PIP5K1B: variants seen among roughly 807,000 people sequenced by gnomAD.
PIP5K1B encodes phosphatidylinositol 4-phosphate 5-kinase type-1 beta.
Under a neutral mutation model 67.0 loss-of-function variants are expected in PIP5K1B, and 42 were observed. That is an observed-to-expected ratio of 0.63 (90% CI 0.49 to 0.81). The LOEUF is 0.81. Among genes scored for constraint, PIP5K1B ranks in the 30% least tolerant of loss-of-function variants. The pLI, the probability that PIP5K1B is intolerant of heterozygous loss-of-function variation, is 0.00. For synonymous variants in PIP5K1B, 214 were observed against 231.4 expected (o/e 0.92, Z 0.68); for missense variants, 459 against 646.3 (o/e 0.71, Z 3.14).
At chr9:68,991,312 G>A (rs1830357072) in intron 15 of PIP5K1B, 55 bp downstream of exon 15, 10 of 930,082 alleles carry the variant, frequency 1.1e-5, no homozygotes, top group Non-Finnish European at 1.6e-5. Flanking sequence ...ATGGATCCAG[G>A]CCATGGCTTA....
At chr9:68,936,864 G>A (rs375217209) in intron 13 of PIP5K1B, among the ~76,000 whole-genome samples, 46 of 152,286 alleles carry the variant, frequency 3.0e-4, no homozygotes, top group African/African-American at 8.9e-4. Flanking sequence ...AACTGCAGGT[G>A]CCTGTAGTCT....
At chr9:68,906,790 C>T (rs944757101) in intron 8 of PIP5K1B, among the ~76,000 whole-genome samples, 3 of 152,218 alleles carry the variant, frequency 2.0e-5, no homozygotes, top group East Asian at 3.8e-4. Context: ...ATTATCACGA[C>T]CAACTCAGTG....
chr9:68,847,337 A>C (rs963548775), intron 4 of PIP5K1B, among the ~76,000 whole-genome samples: 2 of 149,892 alleles, frequency 1.3e-5, no homozygotes, highest in East Asian at 3.9e-4. Context: ...TTAAGTTTCC[A>C]TGCTGGTTTC....
At chr9:68,908,065 G>A (rs1267689264) in intron 8 of PIP5K1B, among the ~76,000 whole-genome samples, 1 of 152,212 alleles carries the variant, frequency 6.6e-6, no homozygotes, top group Non-Finnish European at 1.5e-5. Flanking sequence ...GGATGTGGGT[G>A]CTTGGACCAA....
intron 8 of PIP5K1B, among the ~76,000 whole-genome samples, chr9:68,900,484 A>T (rs1825305127): frequency 6.6e-6 from 1 of 152,188 alleles, no homozygotes; most frequent in African/African-American, 2.4e-5. Context: ...CTCTGATATA[A>T]GTTATCTATG....
intron 4 of PIP5K1B, among the ~76,000 whole-genome samples, chr9:68,845,869 A>T (rs540485784): frequency 2.6e-5 from 4 of 152,348 alleles, no homozygotes; most frequent in African/African-American, 9.6e-5. Flanking sequence ...TACCCAGGTT[A>T]TGGAGATTCT....
chr9:68,818,785 T>C (rs902515394), intron 3 of PIP5K1B, among the ~76,000 whole-genome samples: 4 of 152,160 alleles, frequency 2.6e-5, no homozygotes, highest in Non-Finnish European at 5.9e-5. Context: ...TTAATTACTA[T>C]GTGTGTTAAA....
intron 14 of PIP5K1B, among the ~76,000 whole-genome samples, chr9:68,947,975 A>G (rs1205206677): frequency 1.3e-5 from 2 of 152,198 alleles, no homozygotes; most frequent in Non-Finnish European, 2.9e-5. Context: ...GCAGATAGCC[A>G]TCACCCATGC....
intron 14 of PIP5K1B, among the ~76,000 whole-genome samples, chr9:68,983,895 A>T (rs562890048): frequency 6.5e-4 from 99 of 152,258 alleles, no homozygotes; most frequent in Admixed American, 1.8e-3. Flanking sequence ...TACCAAAAAA[A>T]TTTTAAAAAG....
intron 4 of PIP5K1B, among the ~76,000 whole-genome samples, chr9:68,863,397 A>C (rs977190654): frequency 2.0e-5 from 3 of 152,188 alleles, no homozygotes; most frequent in Non-Finnish European, 2.9e-5. Flanking sequence ...ATATATGTGT[A>C]TACTCATACA....
At chr9:68,898,017 C>T (rs1404241533) in intron 8 of PIP5K1B, among the ~76,000 whole-genome samples, 1 of 152,166 alleles carries the variant, frequency 6.6e-6, no homozygotes, top group Non-Finnish European at 1.5e-5. Context: ...CCTCCTGACA[C>T]ATACCATCTT....
At chr9:68,868,765 A>G (rs1033798901) in intron 5 of PIP5K1B, among the ~76,000 whole-genome samples, 6 of 152,232 alleles carry the variant, frequency 3.9e-5, no homozygotes, top group African/African-American at 1.2e-4. Context: ...ATATCTTTCC[A>G]TATTCAAGAA....
chr9:68,824,189 G>A (rs778713026), intron 4 of PIP5K1B: 1 of 518,950 alleles, frequency 1.9e-6, no homozygotes, highest in South Asian at 1.4e-5. Context: ...TACGTTGCTA[G>A]CCTGTTATTA....
intron 2 of PIP5K1B, chr9:68,789,140 G>A: frequency 1.0e-5 from 6 of 583,132 alleles, no homozygotes; most frequent in South Asian, 8.8e-5. Flanking sequence ...CATTGTTGGT[G>A]TATTTCACCC....
chr9:68,998,010 A>C (rs1202372736), intron 15 of PIP5K1B, among the ~76,000 whole-genome samples: 2 of 150,506 alleles, frequency 1.3e-5, no homozygotes, highest in African/African-American at 4.9e-5. Context: ...TTTACAGTGA[A>C]TCTTGGCTTG....
At chr9:68,936,393 A>C (rs1239872578) in intron 13 of PIP5K1B, among the ~76,000 whole-genome samples, 2 of 151,138 alleles carry the variant, frequency 1.3e-5, no homozygotes, top group African/African-American at 4.8e-5. Context: ...TTAATTAATC[A>C]GGAAGGAGTA....
At chr9:68,743,870 T>C (rs1474840501) in intron 2 of PIP5K1B, among the ~76,000 whole-genome samples, 5 of 152,192 alleles carry the variant, frequency 3.3e-5, no homozygotes. Context: ...GGGTTGAGGC[T>C]CTGGCCTTCT....
chr9:68,945,618 G>A (rs1049655809), intron 14 of PIP5K1B, among the ~76,000 whole-genome samples: 4 of 152,132 alleles, frequency 2.6e-5, no homozygotes, highest in African/African-American at 9.7e-5. Context: ...CTTATTAAGG[G>A]CCATGTTAAG....
At chr9:68,792,906 G>A (rs1173812353) in intron 2 of PIP5K1B, among the ~76,000 whole-genome samples, 1 of 152,162 alleles carries the variant, frequency 6.6e-6, no homozygotes, top group Non-Finnish European at 1.5e-5. Flanking sequence ...TTAAAGCACT[G>A]ATTATGTGCC....
Sources: allele counts gnomAD v4.1 joint callset (sites outside exome capture counted in the v4.1 genomes callset), GRCh38; gene constraint gnomAD v4.1.1; transcripts MANE v1.5; gene names NCBI Gene and HGNC (gene_info 2026-07-23, HGNC 2026-07-21).